The following RNGTT variants were observed in gnomAD, a reference collection of about 807,000 sequenced individuals.
RNGTT encodes the protein mRNA-capping enzyme.
RNGTT carries 33 observed loss-of-function variants against 79.3 expected under a neutral mutation model. That is an observed-to-expected ratio of 0.42 (90% CI 0.32 to 0.56). The LOEUF (loss-of-function observed/expected upper bound fraction) is 0.56. Ranked by LOEUF, RNGTT falls within the 20% of genes least tolerant of loss-of-function variation. RNGTT has a pLI of 0.17. For missense variants in RNGTT, 497 were observed against 739.1 expected, an observed-to-expected ratio of 0.67 and a Z score of 3.80; for synonymous variants, 222 against 235.9, an observed-to-expected ratio of 0.94 and a Z score of 0.54.
intron 1 of RNGTT, among the ~76,000 whole-genome samples, chr6:88,949,927 A>G (rs535993684): frequency 2.0e-5 from 3 of 152,366 alleles, no homozygotes; most frequent in South Asian, 2.1e-4. Context: ...AGAAAATGGT[A>G]TCTAGGACTT....
At chr6:88,809,413 G>C (rs902640470) in intron 11 of RNGTT, among the ~76,000 whole-genome samples, 1 of 152,108 alleles carries the variant, frequency 6.6e-6, no homozygotes, top group South Asian at 2.1e-4. Flanking sequence ...GGATATGGAA[G>C]CGTAGATCAC....
intron 8 of RNGTT, among the ~76,000 whole-genome samples, chr6:88,872,931 A>G (rs565798100): frequency 6.6e-6 from 1 of 152,266 alleles, no homozygotes; most frequent in East Asian, 1.9e-4. Context: ...ACTGAAAAGG[A>G]GGGATTGGTT....
intron 8 of RNGTT, among the ~76,000 whole-genome samples, chr6:88,867,398 G>A (rs973270993): frequency 1.3e-5 from 2 of 151,970 alleles, no homozygotes; most frequent in Admixed American, 1.3e-4. Context: ...CACAAGAATC[G>A]CTTGAACCTG....
At chr6:88,741,791 C>T (rs1481137891) in intron 13 of RNGTT, among the ~76,000 whole-genome samples, 1 of 152,054 alleles carries the variant, frequency 6.6e-6, no homozygotes, top group African/African-American at 2.4e-5. Flanking sequence ...GGGTAGGGGG[C>T]AGACTTTTCC....
intron 13 of RNGTT, among the ~76,000 whole-genome samples, chr6:88,705,444 A>G (rs1280012892): frequency 6.6e-6 from 1 of 152,140 alleles, no homozygotes; most frequent in Non-Finnish European, 1.5e-5. Context: ...TGCAAAACCA[A>G]AACTGACAGC....
chr6:88,649,781 T>C (rs545921978), intron 14 of RNGTT, among the ~76,000 whole-genome samples: 5 of 150,736 alleles, frequency 3.3e-5, no homozygotes, highest in Non-Finnish European at 7.4e-5. Flanking sequence ...GACTATAGAG[T>C]GTAAGGTTTT....
intron 12 of RNGTT, among the ~76,000 whole-genome samples, chr6:88,779,634 GA>G (rs1395626920): frequency 6.6e-6 from 1 of 151,942 alleles, no homozygotes; most frequent in Non-Finnish European, 1.5e-5. Flanking sequence ...TATTAATTTG[GA>G]ATACTAGACT....
intron 13 of RNGTT, among the ~76,000 whole-genome samples, chr6:88,740,868 C>T (rs554969735): frequency 3.9e-5 from 6 of 151,940 alleles, no homozygotes; most frequent in Admixed American, 1.3e-4. Flanking sequence ...GTTCTGCACA[C>T]GCATTCCGGA....
chr6:88,916,335 T>C (rs1464037837), intron 4 of RNGTT, among the ~76,000 whole-genome samples: 4 of 152,046 alleles, frequency 2.6e-5, no homozygotes, highest in African/African-American at 4.8e-5. Flanking sequence ...TCGCCATGCA[T>C]GGTGGTGTGT....
chr6:88,819,087 TAC>T lies in RNGTT; in HGVS notation c.1270-17457_1270-17456del, dbSNP rs1429686701. ...TATTAGAAAATTTAATTTTGAAATA[TAC>T]AGTTATTATAACATCTATGAGACCT... On this transcript the variant is annotated intron_variant, in intron 11 of 15. Transcript: ENST00000369485. 1.3e-4 allele frequency among the ~76,000 whole-genome samples: 20 copies of T among 152,156 alleles called. 1 individual carries two copies. Among genetic ancestry groups the T allele is most frequent in the South Asian group, 6.2e-4 (3 of 4,828 alleles).
intron 2 of RNGTT, among the ~76,000 whole-genome samples, chr6:88,931,849 A>T (rs1422869510): frequency 2.0e-5 from 3 of 152,280 alleles, no homozygotes; most frequent in African/African-American, 7.2e-5. Flanking sequence ...TCATCTTCGT[A>T]AGCTGAGGAT....
intron 13 of RNGTT, among the ~76,000 whole-genome samples, chr6:88,750,739 G>A (rs896310833): frequency 6.6e-6 from 1 of 152,030 alleles, no homozygotes; most frequent in Admixed American, 6.6e-5. Context: ...TTTCTGTCTT[G>A]AATGTCATTC....
intron 13 of RNGTT, 77 bp from the exon 14 acceptor site, chr6:88,678,496 AATAG>A: frequency 2.4e-6 from 2 of 826,554 alleles, no homozygotes; most frequent in Non-Finnish European, 3.3e-6. Context: ...AAATTTGAAT[AATAG>A]ATATAATATA....
chr6:88,823,584 A>G (rs940602034), intron 11 of RNGTT, among the ~76,000 whole-genome samples: 1 of 152,200 alleles, frequency 6.6e-6, no homozygotes, highest in Non-Finnish European at 1.5e-5. Context: ...AGATAAACCC[A>G]GTAAAAAATA....
intron 6 of RNGTT, among the ~76,000 whole-genome samples, chr6:88,895,952 A>C (rs1441790170): frequency 6.6e-6 from 1 of 152,132 alleles, no homozygotes; most frequent in South Asian, 2.1e-4. Context: ...TTTCATAAAT[A>C]ACCTTCCCCA....
At chr6:88,723,131 G>A (rs1246124841) in intron 13 of RNGTT, among the ~76,000 whole-genome samples, 1 of 152,192 alleles carries the variant, frequency 6.6e-6, no homozygotes, top group African/African-American at 2.4e-5. Flanking sequence ...ACATGGCATT[G>A]TTATAGATTT....
intron 8 of RNGTT, among the ~76,000 whole-genome samples, chr6:88,858,674 G>C (rs1781913441): frequency 6.6e-6 from 1 of 152,180 alleles, no homozygotes; most frequent in South Asian, 2.1e-4. Flanking sequence ...ATTGCCCAAT[G>C]TCATAACGCT....
Position 88,906,402 on chromosome 6 carries a change from G to C in RNGTT, c.406C>G (p.Leu136Val). ...TTCTCCACCAAAAAGGCACATATGA[G>C]GAAACCAGTGCGATTGAAGCCATGA... ...CTHGFNRTGF[L>V]ICAFLVEKMD... The change falls in exon 5 of 16, where the codon CTC becomes GTC. Residue 136 changes from leucine (L) to valine (V), a missense_variant. Physicochemically the swap from Leu to Val is conservative, Grantham distance 32 (BLOSUM62 1). Transcript: ENST00000369485. The C allele has an allele frequency of 6.2e-7, 1 of 1,603,496 alleles. No individual in the cohort carries two copies. Among genetic ancestry groups the C allele is most frequent in the Non-Finnish European group, 8.5e-7 (1 of 1,176,404 alleles).
intron 14 of RNGTT, among the ~76,000 whole-genome samples, chr6:88,666,094 C>T (rs1462691403): frequency 6.6e-6 from 1 of 152,130 alleles, no homozygotes; most frequent in African/African-American, 2.4e-5. Flanking sequence ...TTTTGCAGTA[C>T]TGGCCAAACC....
Sources: gnomAD v4.1 joint callset for allele counts (sites outside exome capture counted in the v4.1 genomes callset) on GRCh38, gnomAD v4.1.1 for gene constraint, MANE v1.5 for transcripts, NCBI Gene and HGNC (gene_info 2026-07-23, HGNC 2026-07-21) for gene names.